SNX30: variants seen among roughly 807,000 people sequenced by gnomAD.
The protein encoded by SNX30 is sorting nexin family member 30, also known as sorting nexin-30.
Under a neutral mutation model 46.4 loss-of-function variants are expected in SNX30, and 24 were observed. The ratio of observed to expected loss-of-function variants is 0.52; its 90% CI spans 0.37 to 0.73. The LOEUF is 0.73. SNX30 is among the 30% of genes least tolerant of loss of function. SNX30 has a pLI of 0.00. For missense variants in SNX30, 533 were observed against 555.7 expected (o/e 0.96, Z 0.41); for synonymous variants, 189 against 211.5 (o/e 0.89, Z 0.92).
chr9:112,867,717 A>C (rs1186233920), intron 8 of SNX30, among the ~76,000 whole-genome samples: 179 of 103,712 alleles, frequency 1.7e-3, no homozygotes, highest in Admixed American at 2.7e-3. Flanking sequence ...CACCTCTCCC[A>C]CCCCCTCAGA....
At chr9:112,814,190 G>A (rs1490018052) in intron 2 of SNX30, among the ~76,000 whole-genome samples, 2 of 152,094 alleles carry the variant, frequency 1.3e-5, no homozygotes, top group East Asian at 1.9e-4. Context: ...ATAGGCAAAT[G>A]GTAATAAAGA....
chr9:112,815,824 G>A (rs1840388285), intron 2 of SNX30, among the ~76,000 whole-genome samples: 1 of 152,098 alleles, frequency 6.6e-6, no homozygotes, highest in Non-Finnish European at 1.5e-5. Flanking sequence ...GAGATGGGAG[G>A]TCTTGAACTT....
At chr9:112,840,920 C>T (rs1840846769) in intron 6 of SNX30, among the ~76,000 whole-genome samples, 1 of 152,120 alleles carries the variant, frequency 6.6e-6, no homozygotes, top group South Asian at 2.1e-4. Flanking sequence ...GCTGGGACCA[C>T]AGGTGCCCCC....
At chr9:112,828,833 G>A (rs1840616024) in intron 3 of SNX30, among the ~76,000 whole-genome samples, 1 of 152,144 alleles carries the variant, frequency 6.6e-6, no homozygotes, top group Admixed American at 6.5e-5. Flanking sequence ...TCACAATGTT[G>A]TGCATCTGTC....
intron 2 of SNX30, among the ~76,000 whole-genome samples, chr9:112,806,860 T>C (rs1286341418): frequency 6.6e-6 from 1 of 152,146 alleles, no homozygotes; most frequent in Admixed American, 6.5e-5. Context: ...TAGATTTCAG[T>C]GTAATGTTGC....
At chr9:112,821,518 G>T (rs10981515) in intron 3 of SNX30, among the ~76,000 whole-genome samples, 1 of 151,732 alleles carries the variant, frequency 6.6e-6, no homozygotes, top group African/African-American at 2.4e-5. Context: ...GCGGAGTCTC[G>T]CCCTGTCACC....
At chr9:112,830,994 C>A in intron 4 of SNX30, 111 bp downstream of exon 4, 1 of 1,142,600 alleles carries the variant, frequency 8.8e-7, no homozygotes, top group East Asian at 2.5e-5. Context: ...AACAAATAGC[C>A]GAGTGTGATG....
intron 4 of SNX30, among the ~76,000 whole-genome samples, chr9:112,832,809 T>G (rs1840687583): frequency 6.8e-6 from 1 of 146,332 alleles, no homozygotes. Context: ...AGAAAAAATA[T>G]ATATTATATA....
At chr9:112,832,822 A>AT (rs1564284892) in intron 4 of SNX30, among the ~76,000 whole-genome samples, 2 of 146,810 alleles carry the variant, frequency 1.4e-5, no homozygotes, top group Non-Finnish European at 3.0e-5. Flanking sequence ...ATTATATATT[A>AT]ATATATAATA....
At chr9:112,851,189 C>T (rs149193200) in intron 7 of SNX30, among the ~76,000 whole-genome samples, 2 of 152,304 alleles carry the variant, frequency 1.3e-5, no homozygotes, top group African/African-American at 4.8e-5. Context: ...AACAGCTCTG[C>T]CATTCATCGG....
At chr9:112,805,017 G>A (rs1840203115) in intron 2 of SNX30, 50 bp downstream of exon 2, 1 of 1,453,302 alleles carries the variant, frequency 6.9e-7, no homozygotes, top group South Asian at 1.5e-5. Context: ...TCGGGGAATT[G>A]GGGTCTACCT....
At chr9:112,865,661 A>ATATATATATATGTGTGTGTG in intron 8 of SNX30, among the ~76,000 whole-genome samples, 3 of 105,698 alleles carry the variant, frequency 2.8e-5, no homozygotes, top group African/African-American at 1.1e-4. Context: ...ATATATATAT[A>ATATATATATATGTGTGTGTG]TGTATGTATG....
intron 2 of SNX30, among the ~76,000 whole-genome samples, chr9:112,815,928 C>T (rs1035373907): frequency 1.3e-5 from 2 of 152,170 alleles, no homozygotes; most frequent in South Asian, 2.1e-4. Flanking sequence ...GCAGTCGTCT[C>T]GACCTCCTGG....
At chr9:112,813,452 C>G (rs932116122) in intron 2 of SNX30, among the ~76,000 whole-genome samples, 12 of 145,550 alleles carry the variant, frequency 8.2e-5, no homozygotes, top group Admixed American at 6.3e-4. Flanking sequence ...GCCTTCCAGC[C>G]TGGGGGACTG....
chr9:112,878,091 T>G (rs1235165036), downstream of SNX30: 1 of 152,276 alleles, frequency 6.6e-6, no homozygotes, highest in Non-Finnish European at 1.5e-5. Context: ...TCAAGCTTGC[T>G]CACTCCTTCC....
intron 1 of SNX30, among the ~76,000 whole-genome samples, chr9:112,764,733 G>C (rs138431490): frequency 8.8e-4 from 134 of 152,290 alleles, no homozygotes; most frequent in South Asian, 4.3e-3. Flanking sequence ...TGGATTCAGA[G>C]AGTGTACTGG....
At chr9:112,816,965 A>G (rs1220658114) in intron 2 of SNX30, among the ~76,000 whole-genome samples, 1 of 152,210 alleles carries the variant, frequency 6.6e-6, no homozygotes, top group African/African-American at 2.4e-5. Context: ...CACATTTCAG[A>G]AAACTTTAAA....
chr9:112,852,529 A>G (rs1437391465), intron 7 of SNX30, among the ~76,000 whole-genome samples: 1 of 152,118 alleles, frequency 6.6e-6, no homozygotes, highest in African/African-American at 2.4e-5. Context: ...AACTGTGTGT[A>G]TGTATATGTG....
chr9:112,859,316 A>G (rs529915111), intron 7 of SNX30, among the ~76,000 whole-genome samples: 14 of 152,214 alleles, frequency 9.2e-5, no homozygotes, highest in African/African-American at 3.4e-4. Flanking sequence ...ACATACATAC[A>G]TACACATACA....
Sources: allele counts gnomAD v4.1 joint callset (sites outside exome capture counted in the v4.1 genomes callset), GRCh38; gene constraint gnomAD v4.1.1; transcripts MANE v1.5; gene names NCBI Gene and HGNC (gene_info 2026-07-23, HGNC 2026-07-21).